Variants in PAPPA2 observed in about 807,000 individuals in gnomAD.
The protein encoded by PAPPA2 is pappalysin 2, also known as pappalysin-2.
Under a neutral mutation model 176.4 loss-of-function variants are expected in PAPPA2, and 86 were observed. The ratio of observed to expected loss-of-function variants is 0.49; its 90% CI spans 0.41 to 0.58. The LOEUF (loss-of-function observed/expected upper bound fraction) is 0.58, where lower values mean the gene tolerates loss of function less well. PAPPA2 is among the 20% of genes least tolerant of loss of function. PAPPA2 has a pLI of 0.00. For synonymous variants in PAPPA2, 809 were observed against 852.2 expected, an observed-to-expected ratio of 0.95 and a Z score of 0.88; for missense variants, 2,073 against 2,256.9, an observed-to-expected ratio of 0.92 and a Z score of 1.65.
At chr1:176,546,930 C>T (rs1050709509) in intron 1 of PAPPA2, among the ~76,000 whole-genome samples, 6 of 151,842 alleles carry the variant, frequency 4.0e-5, no homozygotes, top group African/African-American at 1.5e-4. Context: ...TTCCAAGGAC[C>T]AAAAATGGTG....
chr1:176,576,380 T>A (rs1358186728), intron 2 of PAPPA2, among the ~76,000 whole-genome samples: 1 of 152,184 alleles, frequency 6.6e-6, no homozygotes, highest in Non-Finnish European at 1.5e-5. Context: ...ACCCTTTACT[T>A]TTTTTTCTAT....
At chr1:176,652,313 G>A (rs552155280) in intron 3 of PAPPA2, among the ~76,000 whole-genome samples, 3 of 151,614 alleles carry the variant, frequency 2.0e-5, no homozygotes, top group Non-Finnish European at 4.4e-5. Context: ...GGATATGTTT[G>A]CTTAGAGATT....
At chr1:176,593,681 T>C (rs928866857) in intron 2 of PAPPA2, among the ~76,000 whole-genome samples, 3 of 152,224 alleles carry the variant, frequency 2.0e-5, no homozygotes, top group Non-Finnish European at 4.4e-5. Flanking sequence ...TTCTATCCTT[T>C]GTTTATTCCA....
intron 17 of PAPPA2, among the ~76,000 whole-genome samples, chr1:176,786,831 T>G (rs181757323): frequency 1.2e-4 from 19 of 152,268 alleles, no homozygotes; most frequent in African/African-American, 4.6e-4. Flanking sequence ...TGTTGTTTGA[T>G]CCAAATACCA....
chr1:176,634,651 G>A (rs1656556708), intron 3 of PAPPA2, among the ~76,000 whole-genome samples: 1 of 151,450 alleles, frequency 6.6e-6, no homozygotes, highest in South Asian at 2.1e-4. Flanking sequence ...ACTTTTAAAT[G>A]CATTGATTTT....
chr1:176,748,155 G>A (rs1347728622), intron 14 of PAPPA2, among the ~76,000 whole-genome samples: 1 of 152,156 alleles, frequency 6.6e-6, no homozygotes, highest in East Asian at 1.9e-4. Context: ...AAAAGGCAGG[G>A]ATTATTTTCA....
chr1:176,815,803 A>G (rs1392973198), intron 21 of PAPPA2, among the ~76,000 whole-genome samples: 2 of 152,148 alleles, frequency 1.3e-5, no homozygotes, highest in African/African-American at 4.8e-5. Flanking sequence ...ACAAGAGGCA[A>G]AAGGTTACAT....
chr1:176,800,050 T>C lies in PAPPA2; in HGVS notation c.5131-11T>C. The C allele has an allele frequency of 6.2e-7, 1 of 1,613,880 alleles. No individual in the cohort carries two copies. The highest frequency in any genetic ancestry group is 8.5e-7 in the Non-Finnish European group (1 of 1,179,852). On this transcript the variant is annotated splice_polypyrimidine_tract_variant and intron_variant, in intron 20 of 22. Coordinates refer to ENST00000367662, the MANE Select transcript of PAPPA2 (RefSeq NM_020318.3). ...AATTTTGTTTTCTGTTTTTCCCGTC[T>C]TTCCCCTTAGAGCATTGTGTGCACT...
chr1:176,659,057 A>G (rs1006648766), intron 3 of PAPPA2, among the ~76,000 whole-genome samples: 2 of 152,076 alleles, frequency 1.3e-5, no homozygotes, highest in African/African-American at 2.4e-5. Context: ...CTAAGCAACT[A>G]GCAGAATTTT....
intron 12 of PAPPA2, among the ~76,000 whole-genome samples, chr1:176,714,113 AT>A (rs1456708312): frequency 6.6e-6 from 1 of 152,040 alleles, no homozygotes; most frequent in Non-Finnish European, 1.5e-5. Context: ...TATTAATACT[AT>A]TTCTGTAGTG....
intron 3 of PAPPA2, among the ~76,000 whole-genome samples, chr1:176,634,803 T>G (rs6666830): frequency 0.25 from 7,749 of 31,046 alleles, 409 homozygotes; most frequent in African/African-American, 0.36. Flanking sequence ...AGGAGAGAGA[T>G]AGATAGATAG....
At chr1:176,770,874 C>T (rs1022022064) in intron 16 of PAPPA2, 93 bp from the exon 17 acceptor site, 1 of 1,179,110 alleles carries the variant, frequency 8.5e-7, no homozygotes, top group African/African-American at 1.5e-5. Context: ...TTGAAAGGCA[C>T]CAGTAAGTTC....
At chr1:176,614,218 T>C (rs1655086772) in intron 3 of PAPPA2, among the ~76,000 whole-genome samples, 1 of 152,014 alleles carries the variant, frequency 6.6e-6, no homozygotes, top group African/African-American at 2.4e-5. Flanking sequence ...TTTGTCTTTC[T>C]TTTCTTTAAT....
intron 16 of PAPPA2, 26 bp downstream of exon 16, chr1:176,769,810 T>C: frequency 6.4e-7 from 1 of 1,563,936 alleles, no homozygotes; most frequent in South Asian, 1.2e-5. Context: ...CCAGGAACTG[T>C]ATGCAAGTTC....
chr1:176,623,807 C>CTTTATTTCT (rs746043564), intron 3 of PAPPA2, among the ~76,000 whole-genome samples: 2 of 49,396 alleles, frequency 4.0e-5, no homozygotes, highest in African/African-American at 1.6e-4. Flanking sequence ...TTCTTTCTTT[C>CTTTATTTCT]TTCTTTCTTT....
intron 6 of PAPPA2, among the ~76,000 whole-genome samples, chr1:176,694,927 G>T (rs571868711): frequency 3.9e-5 from 6 of 152,320 alleles, no homozygotes; most frequent in Non-Finnish European, 8.8e-5. Flanking sequence ...GGATCCAGCA[G>T]GTGCAGTGGG....
rs113462697 is a variant in PAPPA2 at position 176,774,362 on chromosome 1, A to T, written c.4715+3182A>T. Among the ~76,000 whole-genome samples the T allele has an allele frequency of 4.5e-3, 679 of 152,228 alleles. 10 individuals carry two copies. The highest frequency in any genetic ancestry group is 0.015 in the African/African-American group (640 of 41,534). Reference sequence around the variant, plus strand: ...ACTGCCTATGGATATTGCTGCTTGGATATCGTGTCTACATCTCAAACTCTT... The same window carrying T: ...ACTGCCTATGGATATTGCTGCTTGGTTATCGTGTCTACATCTCAAACTCTT... On this transcript the variant is annotated intron_variant, in intron 17 of 22. Coordinates refer to ENST00000367662, the MANE Select transcript of PAPPA2 (RefSeq NM_020318.3).
intron 14 of PAPPA2, among the ~76,000 whole-genome samples, chr1:176,743,652 T>G (rs1464320206): frequency 6.6e-6 from 1 of 152,212 alleles, no homozygotes; most frequent in African/African-American, 2.4e-5. Flanking sequence ...GTCTAAAATA[T>G]AACCCAGACA....
intron 2 of PAPPA2, among the ~76,000 whole-genome samples, chr1:176,585,319 C>G (rs1653243635): frequency 6.6e-6 from 1 of 151,138 alleles, no homozygotes; most frequent in Non-Finnish European, 1.5e-5. Flanking sequence ...ATATTTCATT[C>G]CATTCTTTCT....
Sources: allele counts gnomAD v4.1 joint callset (sites outside exome capture counted in the v4.1 genomes callset), GRCh38; gene constraint gnomAD v4.1.1; transcripts MANE v1.5; gene names NCBI Gene and HGNC (gene_info 2026-07-23, HGNC 2026-07-21).